The following CNTNAP3B variants were observed in gnomAD, a reference collection of about 807,000 sequenced individuals.
The protein encoded by CNTNAP3B is contactin-associated protein-like 3B.
Under a neutral mutation model 108.9 loss-of-function variants are expected in CNTNAP3B, and 25 were observed. That is an observed-to-expected ratio of 0.23 (90% CI 0.17 to 0.32). The LOEUF (loss-of-function observed/expected upper bound fraction) is 0.32. Ranked by LOEUF, CNTNAP3B falls within the 10% of genes least tolerant of loss-of-function variation. CNTNAP3B has a pLI of 1.00. For synonymous variants in CNTNAP3B, 103 were observed against 473.4 expected, an observed-to-expected ratio of 0.22 and a Z score of 10.16; for missense variants, 252 against 1,210.4, an observed-to-expected ratio of 0.21 and a Z score of 11.75.
chr9:42,120,037 C>T (rs985775641), intron 1 of CNTNAP3B, among the ~76,000 whole-genome samples: 2 of 149,532 alleles, frequency 1.3e-5, no homozygotes, highest in African/African-American at 5.0e-5. Flanking sequence ...AGTGAACAGG[C>T]AACCTACAGA....
intron 4 of CNTNAP3B, among the ~76,000 whole-genome samples, chr9:42,004,763 T>G (rs1407853957): frequency 8.4e-6 from 1 of 118,362 alleles, no homozygotes; most frequent in Admixed American, 8.7e-5. Context: ...AATATAATAA[T>G]AAGTTAGAAT....
intron 3 of CNTNAP3B, among the ~76,000 whole-genome samples, chr9:42,054,901 A>G (rs1305193949): frequency 6.7e-6 from 1 of 148,532 alleles, no homozygotes; most frequent in African/African-American, 2.5e-5. Flanking sequence ...CCTGACATCC[A>G]GGCTGTTCCT....
chr9:42,121,319 C>T, intron 1 of CNTNAP3B, among the ~76,000 whole-genome samples: 1 of 139,646 alleles, frequency 7.2e-6, no homozygotes, highest in South Asian at 2.3e-4. Context: ...CTTTTATGAG[C>T]TCACTTTCTA....
chr9:42,107,022 A>G lies in CNTNAP3B; in HGVS notation c.86-2283T>C, dbSNP rs192128682. Among the ~76,000 whole-genome samples, 429 of 93,176 alleles carry G rather than the reference A, an allele frequency of 4.6e-3. 145 individuals are homozygous for G. Among genetic ancestry groups the G allele is most frequent in the African/African-American group, 0.016 (388 of 24,484 alleles). 61.1% of individuals were successfully genotyped at this position (93,176 alleles called of 152,430 possible). ...TGTCCTGCAGTATCATGCAACACAT[A>G]AAACAGCACTGGGCGTTTCACGTGT... is the stretch of plus-strand genomic sequence containing the variant. On this transcript the variant is annotated intron_variant, in intron 1 of 23. Transcript: ENST00000377561.
chr9:41,950,861 C>T (rs1371266415), intron 13 of CNTNAP3B, among the ~76,000 whole-genome samples: 15 of 147,290 alleles, frequency 1.0e-4, no homozygotes, highest in African/African-American at 3.3e-4. Flanking sequence ...CCCGGGTTCA[C>T]GCCATTCTCC....
intron 3 of CNTNAP3B, among the ~76,000 whole-genome samples, chr9:42,062,581 A>G (rs1827196670): frequency 8.8e-6 from 1 of 113,550 alleles, no homozygotes; most frequent in Non-Finnish European, 1.8e-5. Context: ...ATGTCTTCTG[A>G]TTGAATAGTT....
intron 3 of CNTNAP3B, among the ~76,000 whole-genome samples, chr9:42,074,740 T>G (rs1301348591): frequency 7.3e-6 from 1 of 136,090 alleles, no homozygotes; most frequent in East Asian, 2.2e-4. Flanking sequence ...ATTGCTTTAG[T>G]CCAAAACAAG....
intron 17 of CNTNAP3B, among the ~76,000 whole-genome samples, chr9:41,921,176 C>T (rs575139827): frequency 2.2e-4 from 33 of 152,382 alleles, no homozygotes; most frequent in South Asian, 8.3e-4. Context: ...CTTCATCCAC[C>T]GCAATGAATG....
At position 42,078,928 on chromosome 9, in the gene CNTNAP3B, T is replaced by G. The variant is rs1185511580; in HGVS notation, c.197-1866A>C. ...CTTCCATAATCACTCAATTTAACAA[T>G]GAACACTTATCGAGCATTTGAGAAC... is the stretch of plus-strand genomic sequence containing the variant. On this transcript the variant is annotated intron_variant, in intron 2 of 23. Transcript: ENST00000377561. 8.3e-3 allele frequency among the ~76,000 whole-genome samples: 1,242 copies of G among 149,074 alleles called. 3 individuals are homozygous for G. Among genetic ancestry groups the G allele is most frequent in the African/African-American group, 0.029 (1,127 of 38,678 alleles).
intron 3 of CNTNAP3B, among the ~76,000 whole-genome samples, chr9:42,055,124 T>A (rs188135941): frequency 0.013 from 1,832 of 138,894 alleles, 248 homozygotes; most frequent in South Asian, 0.056. Context: ...TATTATTATT[T>A]TTTACATTTA....
Position 42,124,872 on chromosome 9 carries a change from T to C in CNTNAP3B, c.85+4138A>G, listed in dbSNP as rs191492775. 2.2e-3 allele frequency among the ~76,000 whole-genome samples: 307 copies of C among 138,876 alleles called. 46 individuals are homozygous for C. The highest frequency in any genetic ancestry group is 3.6e-3 in the Admixed American group (50 of 13,918). The allele number at this position is 138,876 out of a possible 152,430, so 91.1% of individuals were successfully genotyped here. A position where few individuals can be genotyped will look rare whatever the true frequency, so the allele number is the denominator to read the frequency against. The stretch of plus-strand genomic sequence containing the variant: ...AACTGTTATTTCTCATAATTGTTTT[T>C]TTTTCAGCCTCTTTATTTTTAATCT... On this transcript the variant is annotated intron_variant, in intron 1 of 23. Transcript: ENST00000377561.
chr9:41,962,935 A>G (rs1825147838), intron 11 of CNTNAP3B, among the ~76,000 whole-genome samples: 1 of 151,458 alleles, frequency 6.6e-6, no homozygotes, highest in South Asian at 2.1e-4. Context: ...AGCCTGGGCG[A>G]CAGAGCAAGA....
chr9:41,942,380 G>A (rs1587127736), intron 13 of CNTNAP3B, among the ~76,000 whole-genome samples: 2 of 152,222 alleles, frequency 1.3e-5, no homozygotes, highest in Non-Finnish European at 2.9e-5. Context: ...GGAGGCTGAG[G>A]CGGGCGGATC....
intron 13 of CNTNAP3B, among the ~76,000 whole-genome samples, chr9:41,941,940 G>A (rs1314999301): frequency 3.3e-5 from 5 of 152,194 alleles, no homozygotes; most frequent in Non-Finnish European, 4.4e-5. Context: ...AGCAGGGGGA[G>A]GGAAGGAGAA....
At chr9:41,934,126 C>CATATATATATATATATATATATAT (rs1824074627) in intron 14 of CNTNAP3B, among the ~76,000 whole-genome samples, 83 of 22,238 alleles carry the variant, frequency 3.7e-3, no homozygotes, top group African/African-American at 3.9e-3. Flanking sequence ...TATATATACA[C>CATATATATATATATATATATATAT]ACACATATAT....
chr9:42,023,139 C>CT (rs1225212104), intron 3 of CNTNAP3B, among the ~76,000 whole-genome samples: 3 of 118,254 alleles, frequency 2.5e-5, no homozygotes, highest in African/African-American at 1.1e-4. Flanking sequence ...CTCCCAAGTG[C>CT]TGACAGGCCA....
intron 3 of CNTNAP3B, among the ~76,000 whole-genome samples, chr9:42,043,191 G>C (rs1826802033): frequency 2.3e-5 from 2 of 87,170 alleles, no homozygotes; most frequent in South Asian, 6.7e-4. Context: ...TTTTTTTTGA[G>C]ACAGTCTCAC....
intron 1 of CNTNAP3B, 84 bp downstream of exon 1, chr9:42,128,926 C>T: frequency 7.4e-7 from 1 of 1,352,114 alleles, no homozygotes; most frequent in Non-Finnish European, 9.7e-7. Flanking sequence ...TCTGCAATTC[C>T]ACTTCCAAAT....
intron 1 of CNTNAP3B, among the ~76,000 whole-genome samples, chr9:42,107,565 C>T (rs1279651507): frequency 8.1e-6 from 1 of 123,564 alleles, no homozygotes; most frequent in Non-Finnish European, 1.7e-5. Flanking sequence ...AACAAAATTG[C>T]TGAAATTTTC....
Sources: gnomAD v4.1 joint callset for allele counts (sites outside exome capture counted in the v4.1 genomes callset) on GRCh38, gnomAD v4.1.1 for gene constraint, MANE v1.5 for transcripts, NCBI Gene and HGNC (gene_info 2026-07-23, HGNC 2026-07-21) for gene names.